TUBD1: variants seen among roughly 807,000 people sequenced by gnomAD.
TUBD1 encodes the protein tubulin delta chain.
Under a neutral mutation model 51.2 loss-of-function variants are expected in TUBD1, and 38 were observed. That is an observed-to-expected ratio of 0.74 (90% confidence interval 0.57 to 0.97). The LOEUF (loss-of-function observed/expected upper bound fraction) is 0.97. Ranked by LOEUF, TUBD1 falls within the 50% of genes least tolerant of loss-of-function variation. TUBD1 has a pLI of 0.00. For synonymous variants in TUBD1, 169 were observed against 178.2 expected (o/e 0.95, Z 0.41); for missense variants, 489 against 538.4 (o/e 0.91, Z 0.91).
chr17:59,873,765 T>C (rs2040102419), intron 6 of TUBD1, among the ~76,000 whole-genome samples: 2 of 152,074 alleles, frequency 1.3e-5, no homozygotes, highest in African/African-American at 4.8e-5. Context: ...CTTGGGAGGC[T>C]GAGGCAGAAG....
intron 8 of TUBD1, among the ~76,000 whole-genome samples, chr17:59,862,815 C>G: frequency 6.6e-6 from 1 of 150,556 alleles, no homozygotes; most frequent in African/African-American, 2.4e-5. Flanking sequence ...AGCTCCGCCT[C>G]CCGGGTTCAC....
rs2039722282 is a variant in TUBD1 at position 59,866,768 on chromosome 17, A to G, written c.935-19T>C. 6.3e-7 allele frequency: 1 copy of G among 1,581,154 alleles called. No individual in the cohort carries two copies. Among genetic ancestry groups the G allele is most frequent in the South Asian group, 1.2e-5 (1 of 85,286 alleles). On this transcript the variant is annotated intron_variant, in intron 6 of 8. Coordinates refer to ENST00000325752, the MANE Select transcript of TUBD1 (RefSeq NM_016261.4). ...TCAATACCTACCAAAAGAAAAAAAA[A>G]GCAAGAGGTTTTATTTTATTTACTT...
At chr17:59,862,972 C>T (rs183562247) in intron 8 of TUBD1, among the ~76,000 whole-genome samples, 140 of 151,684 alleles carry the variant, frequency 9.2e-4, no homozygotes, top group African/African-American at 3.0e-3. Context: ...CTGATCTGCT[C>T]GCCTCAGCCT....
At chr17:59,869,452 G>A (rs1354256987) in intron 6 of TUBD1, among the ~76,000 whole-genome samples, 2 of 151,446 alleles carry the variant, frequency 1.3e-5, no homozygotes, top group South Asian at 4.2e-4. Flanking sequence ...TCCAGCCTGG[G>A]TGACAGAGCA....
chr17:59,890,622 T>C (rs536130837), intron 2 of TUBD1, among the ~76,000 whole-genome samples: 2 of 152,306 alleles, frequency 1.3e-5, no homozygotes, highest in South Asian at 2.1e-4. Context: ...GAGTTTTGTT[T>C]GGTTGGTTTT....
In TUBD1 at chr17:59,878,269, G is replaced by C; in HGVS notation, c.603C>G (p.Leu201=). The change falls in exon 5 of 9, where the codon CTC becomes CTG. Residue 201 remains leucine (L), a synonymous_variant. Transcript: ENST00000325752. ...LSHLYRSSDA[L]LLHENDAIHK... ...GGATGGCATCATTCTCATGAAGAAG[G>C]AGGGCGTCTGAAGATCGGTACAAGT... is the stretch of plus-strand genomic sequence containing the variant. 6.2e-7 allele frequency: 1 copy of C among 1,614,076 alleles called. No homozygotes were observed. The highest frequency in any genetic ancestry group is 1.1e-5 in the South Asian group (1 of 91,078).
chr17:59,886,518 T>C (rs1172814385), intron 2 of TUBD1: 1 of 222,230 alleles, frequency 4.5e-6, no homozygotes, highest in Non-Finnish European at 8.7e-6. Context: ...TAATTCCAGC[T>C]ACTCGGGAGG....
intron 6 of TUBD1, among the ~76,000 whole-genome samples, chr17:59,868,108 CAAAAAAAAAAAAA>C (rs35401242): frequency 7.5e-5 from 2 of 26,812 alleles, no homozygotes; most frequent in East Asian, 1.5e-3. Flanking sequence ...ACTAAAAATA[CAAAAAAAAAAAAA>C]AAAAAAAAAA....
intron 6 of TUBD1, among the ~76,000 whole-genome samples, chr17:59,872,694 ATGTGTGTGTGTGTG>A (rs60720420): frequency 0.014 from 2,007 of 142,722 alleles, 50 homozygotes; most frequent in African/African-American, 0.047. Context: ...GAAAATGGGA[ATGTGTGTGTGTGTG>A]TGTGTGTGTG....
intron 2 of TUBD1, among the ~76,000 whole-genome samples, chr17:59,890,243 G>A (rs1031365420): frequency 1.1e-4 from 16 of 152,060 alleles, no homozygotes; most frequent in African/African-American, 3.6e-4. Context: ...TGGTTAAGCA[G>A]GGTCCTTTTA....
intron 6 of TUBD1, among the ~76,000 whole-genome samples, chr17:59,871,388 A>G (rs1393590955): frequency 6.6e-6 from 1 of 151,994 alleles, no homozygotes; most frequent in East Asian, 1.9e-4. Flanking sequence ...TTTAGTAGAG[A>G]CGGGGTTTCA....
At chr17:59,885,660 C>A in intron 3 of TUBD1, 1 of 610,832 alleles carries the variant, frequency 1.6e-6, no homozygotes, top group Non-Finnish European at 2.8e-6. Context: ...GTTAAAAAAA[C>A]AAAACAAAAC....
chr17:59,872,127 GTAT>G (rs1203551468), intron 6 of TUBD1, among the ~76,000 whole-genome samples: 2 of 152,058 alleles, frequency 1.3e-5, no homozygotes, highest in Admixed American at 1.3e-4. Context: ...CTAATTTTTT[GTAT>G]TTTTAGTAGA....
At chr17:59,882,870 T>C (rs1027080516) in intron 3 of TUBD1, among the ~76,000 whole-genome samples, 3 of 151,980 alleles carry the variant, frequency 2.0e-5, no homozygotes, top group African/African-American at 7.2e-5. Context: ...CTGCAACCTC[T>C]GCCACTTGGG....
In TUBD1 at chr17:59,860,207, G is replaced by T; in HGVS notation, c.*115C>A. Reference sequence around the variant, plus strand: ...ATTTTTTGTATTTTCTGGTAGAGACGGTGTTTCACCGTGTTAGCCAGGATG... The same window carrying T: ...ATTTTTTGTATTTTCTGGTAGAGACTGTGTTTCACCGTGTTAGCCAGGATG... On this transcript the variant is annotated 3_prime_UTR_variant, in exon 9 of 9. Coordinates refer to ENST00000325752, the MANE Select transcript of TUBD1 (RefSeq NM_016261.4). 1.3e-6 allele frequency: 1 copy of T among 746,194 alleles called. No homozygotes were observed. The highest frequency in any genetic ancestry group is 1.8e-5 in the African/African-American group (1 of 54,936). The allele number at this position is 746,194 out of a possible 1,614,324, so 46.2% of individuals were successfully genotyped here. A position where few individuals can be genotyped will look rare whatever the true frequency, so the allele number is the denominator to read the frequency against.
In TUBD1 at chr17:59,885,441, G is replaced by A. The variant is rs1324760271; in HGVS notation, c.320+642C>T. 2.1e-6 allele frequency: 3 copies of A among 1,410,970 alleles called. No homozygotes were observed. The East Asian group carries it at 6.9e-5, about 32-fold the overall frequency. 87.4% of individuals were successfully genotyped at this position (1,410,970 alleles called of 1,614,324 possible). A position where few individuals can be genotyped will look rare whatever the true frequency, so the allele number is the denominator to read the frequency against. On this transcript the variant is annotated intron_variant, in intron 3 of 8. Coordinates refer to ENST00000325752, the MANE Select transcript of TUBD1 (RefSeq NM_016261.4). ...TATTCATGTTCTGGGTGGGGGATATGTACCCTGTCTACCAGCCCGTGGGAC... is the reference window on the plus strand; with the variant it reads ...TATTCATGTTCTGGGTGGGGGATATATACCCTGTCTACCAGCCCGTGGGAC...
chr17:59,877,115 CT>C (rs2040261581), intron 5 of TUBD1, among the ~76,000 whole-genome samples: 1 of 152,114 alleles, frequency 6.6e-6, no homozygotes. Context: ...CCTCCTCAGC[CT>C]CCCAACGTGC....
intron 3 of TUBD1, among the ~76,000 whole-genome samples, chr17:59,883,201 T>C (rs1281645323): frequency 6.6e-6 from 1 of 151,876 alleles, no homozygotes; most frequent in East Asian, 1.9e-4. Context: ...GTTCAAGTGA[T>C]TCTTCTGCCT....
rs1299286340 is a variant in TUBD1, at chr17:59,890,910, C to G, written c.93G>C (p.Gln31His). The G allele has an allele frequency of 6.2e-7, 1 of 1,613,976 alleles. No individual in the cohort carries two copies. Among genetic ancestry groups the G allele is most frequent in the Non-Finnish European group, 8.5e-7 (1 of 1,179,988 alleles). The change falls in exon 2 of 9, where the codon CAG (glutamine) becomes CAC (histidine). Residue 31 changes from glutamine to histidine, a missense_variant. Transcript: ENST00000325752. ...DALLSDSHSS[Q>H]GLCSMRENEA... ...CATTCTCTCTCATAGAGCAGAGTCC[C>G]TGGGAACTGTGTGAGTCACTAAGCA... is the stretch of plus-strand genomic sequence containing the variant.
Sources: gnomAD v4.1 joint callset for allele counts (sites outside exome capture counted in the v4.1 genomes callset) on GRCh38, gnomAD v4.1.1 for gene constraint, MANE v1.5 for transcripts, NCBI Gene and HGNC (gene_info 2026-07-23, HGNC 2026-07-21) for gene names.